CSNK1G2: variants seen among roughly 807,000 people sequenced by gnomAD.
CSNK1G2 encodes casein kinase I isoform gamma-2.
Under a neutral mutation model 48.0 loss-of-function variants are expected in CSNK1G2, and 11 were observed. That is an observed-to-expected ratio of 0.23 (90% CI 0.14 to 0.38). The LOEUF is 0.38. CSNK1G2 is among the 10% of genes least tolerant of loss of function. The pLI, the probability that CSNK1G2 is intolerant of heterozygous loss-of-function variation, is 1.00. For missense variants in CSNK1G2, 446 were observed against 595.5 expected, an observed-to-expected ratio of 0.75 and a Z score of 2.61; for synonymous variants, 337 against 254.1, an observed-to-expected ratio of 1.33 and a Z score of -3.10.
At chr19:1,975,559 G>A (rs1036347782) in intron 2 of CSNK1G2, 13 of 985,318 alleles carry the variant, frequency 1.3e-5, no homozygotes, top group South Asian at 4.7e-5. Flanking sequence ...ACGACACGGC[G>A]AGGAGCCCAC....
chr19:1,958,360 C>A (rs1353010756), intron 1 of CSNK1G2, among the ~76,000 whole-genome samples: 1 of 151,868 alleles, frequency 6.6e-6, no homozygotes, highest in Non-Finnish European at 1.5e-5. Context: ...CAGTGGGGGC[C>A]GTGGGGTTGG....
chr19:1,953,292 C>A, intron 1 of CSNK1G2: 2 of 481,562 alleles, frequency 4.2e-6, no homozygotes, highest in Non-Finnish European at 8.5e-6. Flanking sequence ...GCCCCCGGGC[C>A]ACGGAGCAGG....
intron 1 of CSNK1G2, among the ~76,000 whole-genome samples, chr19:1,965,876 A>G (rs1250080910): frequency 1.3e-5 from 2 of 152,162 alleles, no homozygotes; most frequent in African/African-American, 2.4e-5. Context: ...AGCTCACTTT[A>G]GCCTCCACCT....
chr19:1,949,537 G>T (rs1025223281), intron 1 of CSNK1G2, among the ~76,000 whole-genome samples: 2 of 152,240 alleles, frequency 1.3e-5, no homozygotes, highest in East Asian at 3.9e-4. Context: ...GTTTATTTCT[G>T]TGATAGATGT....
chr19:1,968,550 G>A (rs917324048), intron 1 of CSNK1G2, among the ~76,000 whole-genome samples: 3 of 152,234 alleles, frequency 2.0e-5, no homozygotes, highest in African/African-American at 7.2e-5. Context: ...CTCTGTGGGT[G>A]GCAACAGGCT....
chr19:1,976,407 T>C (rs1215645047), intron 2 of CSNK1G2, among the ~76,000 whole-genome samples: 1 of 152,204 alleles, frequency 6.6e-6, no homozygotes, highest in Non-Finnish European at 1.5e-5. Flanking sequence ...GCCACGTTGT[T>C]GAGGCTGTTT....
At position 1,941,181 on chromosome 19, in the gene CSNK1G2, C is replaced by G. The variant is rs1044394397; in HGVS notation, c.-503C>G. 3.5e-3 allele frequency: 515 copies of G among 146,726 alleles called. 4 individuals carry two copies. Among genetic ancestry groups the G allele is most frequent in the African/African-American group, 0.012 (499 of 40,976 alleles). 9.1% of individuals were successfully genotyped at this position (146,726 alleles called of 1,614,324 possible). On this transcript the variant is annotated 5_prime_UTR_variant, in exon 1 of 12. Transcript: ENST00000255641. ...GCCGCCCCCCGCTGGCAGACGCTGGCGGCGTAAGGCGCGCGGGCCCCGGAG... is the reference window on the plus strand; with the variant it reads ...GCCGCCCCCCGCTGGCAGACGCTGGGGGCGTAAGGCGCGCGGGCCCCGGAG...
At position 1,957,448 on chromosome 19, in the gene CSNK1G2, C is replaced by G. The variant is rs1182651066; in HGVS notation, c.-265-12060C>G. On this transcript the variant is annotated intron_variant, in intron 1 of 11. Coordinates refer to ENST00000255641, the MANE Select transcript of CSNK1G2 (RefSeq NM_001319.7). The surrounding 1 kb of genome is among the most constrained non-coding windows in gnomAD (Gnocchi z 5.4). ...CAGCCTGGGAGAGAAGGGGGCTGCCCCGAGCGGCTTGGGTGGCCGGGCCTG... is the reference window on the plus strand; with the variant it reads ...CAGCCTGGGAGAGAAGGGGGCTGCCGCGAGCGGCTTGGGTGGCCGGGCCTG... 6.6e-6 allele frequency among the ~76,000 whole-genome samples: 1 copy of G among 152,204 alleles called. No homozygotes were observed. Among genetic ancestry groups the G allele is most frequent in the Non-Finnish European group, 1.5e-5 (1 of 68,026 alleles).
rs2015920033 is a variant in CSNK1G2, at chr19:1,979,913, G to A, written c.1089G>A (p.Ala363=). The A allele has an allele frequency of 4.4e-6, 7 of 1,607,572 alleles. No individual in the cohort carries two copies. The East Asian group carries it at 8.9e-5, about 21-fold the overall frequency. Residue 363 remains alanine (A), a splice_region_variant and synonymous_variant, in exon 11 of 12, where the codon GCG becomes GCA. Coordinates refer to ENST00000255641, the MANE Select transcript of CSNK1G2 (RefSeq NM_001319.7). The part of the protein sequence containing the change: ...DKTQPHSKNQ[A]LNSTNGELNA... ...TGACCCCCTACTGCCCCCACCAGGCGTTGAACTCCACCAACGGGGAGCTGA... is the reference window on the plus strand; with the variant it reads ...TGACCCCCTACTGCCCCCACCAGGCATTGAACTCCACCAACGGGGAGCTGA...
intron 2 of CSNK1G2, among the ~76,000 whole-genome samples, chr19:1,976,847 C>G (rs2015774291): frequency 6.6e-6 from 1 of 151,952 alleles, no homozygotes; most frequent in Admixed American, 6.6e-5. Flanking sequence ...TCAGGCAATT[C>G]TCCTGCCTCA....
intron 1 of CSNK1G2, among the ~76,000 whole-genome samples, chr19:1,946,015 G>T (rs114369129): frequency 0.011 from 1,706 of 152,224 alleles, 30 homozygotes; most frequent in African/African-American, 0.04. Context: ...GACCCGTGGG[G>T]TATGACTCTT....
rs541143980 is a variant in CSNK1G2 at position 1,978,702 on chromosome 19, C to T, written c.399C>T (p.Cys133=). ...GCCTGGAGGACCTGTTCGACCTGTGCGACCGGACCTTCACGCTCAAGACGG... is the reference window on the plus strand; with the variant it reads ...GCCTGGAGGACCTGTTCGACCTGTGTGACCGGACCTTCACGCTCAAGACGG... ...GPSLEDLFDL[C]DRTFTLKTVL... is the part of the protein sequence containing the mutation. The change falls in exon 5 of 12, where the codon TGC becomes TGT. Residue 133 remains cysteine, a synonymous_variant. Coordinates refer to ENST00000255641, the MANE Select transcript of CSNK1G2 (RefSeq NM_001319.7). This position sits in a 1 kb window ranked among gnomAD's most constrained non-coding sequence, Gnocchi z 7.3. The T allele has an allele frequency of 4.7e-5, 75 of 1,604,208 alleles. No homozygotes were observed. Among genetic ancestry groups the T allele is most frequent in the South Asian group, 3.0e-4 (27 of 89,794 alleles).
chr19:1,948,209 G>A (rs977989558), intron 1 of CSNK1G2, among the ~76,000 whole-genome samples: 7 of 152,172 alleles, frequency 4.6e-5, no homozygotes, highest in East Asian at 1.9e-4. Context: ...GGCCAGAGCC[G>A]GGCTCACAGC....
chr19:1,962,864 C>G (rs932055219), intron 1 of CSNK1G2, among the ~76,000 whole-genome samples: 1 of 152,144 alleles, frequency 6.6e-6, no homozygotes, highest in African/African-American at 2.4e-5. Context: ...CCCGCAGCCA[C>G]GCAGAAGCCC....
intron 2 of CSNK1G2, chr19:1,974,987 T>A (rs2015704326): frequency 1.1e-6 from 1 of 879,044 alleles, no homozygotes; most frequent in Admixed American, 6.2e-5. Flanking sequence ...GCGCCCGACC[T>A]CCTCCAGGAG....
rs192858668 is a variant in CSNK1G2 at position 1,954,179 on chromosome 19, C to T, written c.-266+12761C>T. On this transcript the variant is annotated intron_variant, in intron 1 of 11. Transcript: ENST00000255641. ...GCCTGAGGTTGGTTTGTCCTGGCCG[C>T]GGCAGCTCCTGCGCCCCTCCATTGT... 5.6e-4 allele frequency: 224 copies of T among 400,700 alleles called. 1 individual carries two copies. Among genetic ancestry groups the T allele is most frequent in the African/African-American group, 4.4e-3 (211 of 48,416 alleles). 24.8% of individuals were successfully genotyped at this position (400,700 alleles called of 1,614,324 possible).
intron 1 of CSNK1G2, among the ~76,000 whole-genome samples, chr19:1,944,417 C>T (rs1178205943): frequency 6.6e-6 from 1 of 152,102 alleles, no homozygotes; most frequent in African/African-American, 2.4e-5. Context: ...GCCCATTTTA[C>T]AGATGAGGAA....
At chr19:1,946,537 C>T (rs535353779) in intron 1 of CSNK1G2, among the ~76,000 whole-genome samples, 10 of 150,504 alleles carry the variant, frequency 6.6e-5, no homozygotes, top group South Asian at 6.3e-4. Context: ...GTGATCTGCC[C>T]GCCTCGGCCT....
At chr19:1,946,020 A>T (rs1200281005) in intron 1 of CSNK1G2, among the ~76,000 whole-genome samples, 1 of 151,600 alleles carries the variant, frequency 6.6e-6, no homozygotes, top group Admixed American at 6.6e-5. Flanking sequence ...GTGGGGTATG[A>T]CTCTTGTTAC....
Sources: gnomAD v4.1 joint callset for allele counts (sites outside exome capture counted in the v4.1 genomes callset) on GRCh38, gnomAD v4.1.1 for gene constraint, Gnocchi (gnomAD v3.1) non-coding constraint, MANE v1.5 for transcripts, NCBI Gene and HGNC (gene_info 2026-07-23, HGNC 2026-07-21) for gene names.